The following DSCAM variants were observed in gnomAD, a reference collection of about 807,000 sequenced individuals.
The protein encoded by DSCAM is DS cell adhesion molecule.
In DSCAM, 47 loss-of-function variants were observed where a neutral mutation model predicts 217.7. That is an observed-to-expected ratio of 0.22 (90% CI 0.17 to 0.28). The LOEUF is 0.28. Ranked by LOEUF, DSCAM falls within the 10% of genes least tolerant of loss-of-function variation. The pLI is 1.00. For missense variants in DSCAM, 2,080 were observed against 2,618.3 expected (o/e 0.79, Z 4.49); for synonymous variants, 1,056 against 1,015.3 (o/e 1.04, Z -0.76).
intron 1 of DSCAM, among the ~76,000 whole-genome samples, chr21:40,778,693 AAG>A (rs2091511599): frequency 6.6e-6 from 1 of 152,162 alleles, no homozygotes; most frequent in Non-Finnish European, 1.5e-5. Flanking sequence ...TAGAAGTCAA[AAG>A]TAAGGTGTGA....
In DSCAM at chr21:40,339,308, A is replaced by C; in HGVS notation, c.1318T>G (p.Trp440Gly). ...VKGTPLPTITWTLDDDPILKG... is the reference protein window; with the variant it reads ...VKGTPLPTITGTLDDDPILKG... ...AGAATCGGGTCATCGTCCAGGGTCC[A>C]CGTGATCGTGGGCAAAGGTGTTCCC... The change falls in exon 7 of 33, where the codon TGG (tryptophan) becomes GGG (glycine). Residue 440 changes from tryptophan to glycine, a missense_variant. By Grantham distance (184) the Trp-to-Gly change is radical. Around this residue, in one of 5 missense-constraint regions of DSCAM, gnomAD observed 568 missense variants for 678.1 expected, o/e 0.84. Transcript: ENST00000400454. 1.2e-6 allele frequency: 2 copies of C among 1,614,188 alleles called. No homozygotes were observed. The highest frequency in any genetic ancestry group is 1.7e-6 in the Non-Finnish European group (2 of 1,180,042).
chr21:40,393,492 A>G (rs2075152214), intron 3 of DSCAM, among the ~76,000 whole-genome samples: 1 of 152,218 alleles, frequency 6.6e-6, no homozygotes, highest in African/African-American at 2.4e-5. Flanking sequence ...AATCAAGGTA[A>G]TAGGAAATCC....
At chr21:40,079,055 A>T in intron 25 of DSCAM, 78 bp from the exon 26 acceptor site, 1 of 1,515,370 alleles carries the variant, frequency 6.6e-7, no homozygotes, top group East Asian at 2.3e-5. Flanking sequence ...TTTCCCTCGG[A>T]CTGCTTCCTC....
intron 11 of DSCAM, among the ~76,000 whole-genome samples, chr21:40,254,217 T>C (rs928585345): frequency 2.0e-5 from 3 of 152,172 alleles, no homozygotes; most frequent in African/African-American, 7.2e-5. Context: ...AGCCTTTGTT[T>C]TGCATGATCT....
At chr21:40,185,375 G>C (rs2090882218) in intron 14 of DSCAM, among the ~76,000 whole-genome samples, 1 of 152,220 alleles carries the variant, frequency 6.6e-6, no homozygotes, top group African/African-American at 2.4e-5. Flanking sequence ...CGAGGGTGCA[G>C]AGCTGGTGCA....
intron 3 of DSCAM, among the ~76,000 whole-genome samples, chr21:40,512,539 G>T (rs576987737): frequency 2.0e-5 from 3 of 152,120 alleles, no homozygotes; most frequent in African/African-American, 7.2e-5. Context: ...CTTCACGTTT[G>T]CGGCATTGTT....
chr21:40,813,652 T>C (rs2051535101), intron 1 of DSCAM, among the ~76,000 whole-genome samples: 1 of 151,208 alleles, frequency 6.6e-6, no homozygotes, highest in Non-Finnish European at 1.5e-5. Flanking sequence ...CTTGTTTTTT[T>C]TTTTTTTTTG....
chr21:40,259,137 T>C (rs2073413141), intron 11 of DSCAM, among the ~76,000 whole-genome samples: 1 of 152,248 alleles, frequency 6.6e-6, no homozygotes, highest in African/African-American at 2.4e-5. Flanking sequence ...GTGATTTCAT[T>C]TTCTTAAAAG....
At position 40,376,589 on chromosome 21, in the gene DSCAM, T is replaced by TATATAGATATCTATATATCTTATATAG. The variant is rs760098848; in HGVS notation, c.509-7345_509-7344insCTATATAAGATATATAGATATCTATAT. Among the ~76,000 whole-genome samples the TATATAGATATCTATATATCTTATATAG allele has an allele frequency of 4.3e-4, 6 of 14,074 alleles. 2 individuals carry two copies. The highest frequency in any genetic ancestry group is 1.7e-3 in the African/African-American group (6 of 3,602). The allele number at this position is 14,074 out of a possible 152,430, so 9.2% of individuals were successfully genotyped here. On this transcript the variant is annotated intron_variant, in intron 3 of 32. Transcript: ENST00000400454. ...ATCTTATATCGATATCTATATATCTTATATCGATATCTATATATCTTATAT... is the reference window on the plus strand; with the variant it reads ...ATCTTATATCGATATCTATATATCTTATATAGATATCTATATATCTTATATAGATATCGATATCTATATATCTTATAT...
At chr21:40,534,888 A>G (rs2837687) in intron 3 of DSCAM, among the ~76,000 whole-genome samples, 33,891 of 152,024 alleles carry the variant, frequency 0.22, 4,434 homozygotes, top group African/African-American at 0.35. Flanking sequence ...TTCTCCCAAT[A>G]TTACCTCTGT....
chr21:40,498,712 GGTGTATATATATATGGGTGT>G (rs1568855018), intron 3 of DSCAM, among the ~76,000 whole-genome samples: 17 of 3,868 alleles, frequency 4.4e-3, no homozygotes, highest in African/African-American at 0.019. Context: ...TATATATATG[GGTGTATATATATATGGGTGT>G]GTGTATATAT....
At chr21:40,842,838 A>G (rs2123689819) in intron 1 of DSCAM, among the ~76,000 whole-genome samples, 1 of 152,288 alleles carries the variant, frequency 6.6e-6, no homozygotes, top group Middle Eastern at 3.4e-3. Context: ...CCAAAATGAC[A>G]AAGGAGAGAG....
At chr21:40,341,341 G>A (rs1273853570) in intron 6 of DSCAM, among the ~76,000 whole-genome samples, 1 of 152,044 alleles carries the variant, frequency 6.6e-6, no homozygotes, top group Non-Finnish European at 1.5e-5. Flanking sequence ...TAATTCCATG[G>A]TTTTTGTAAA....
At chr21:40,142,226 C>T (rs2090300023) in intron 18 of DSCAM, among the ~76,000 whole-genome samples, 1 of 152,196 alleles carries the variant, frequency 6.6e-6, no homozygotes, top group Non-Finnish European at 1.5e-5. Flanking sequence ...TTTTAGAATA[C>T]ATATCACACA....
intron 20 of DSCAM, among the ~76,000 whole-genome samples, chr21:40,098,924 A>C (rs918464636): frequency 4.6e-5 from 7 of 152,244 alleles, no homozygotes; most frequent in East Asian, 1.9e-4. Context: ...TTATGGGAAA[A>C]TTAGTCCCTC....
At chr21:40,401,326 T>C (rs921807984) in intron 3 of DSCAM, among the ~76,000 whole-genome samples, 4 of 152,244 alleles carry the variant, frequency 2.6e-5, no homozygotes, top group African/African-American at 7.2e-5. Context: ...AAAAGTCATA[T>C]ACTCAAGGGT....
intron 1 of DSCAM, among the ~76,000 whole-genome samples, chr21:40,801,407 G>A (rs2091739155): frequency 1.3e-5 from 2 of 152,208 alleles, no homozygotes; most frequent in South Asian, 4.1e-4. Context: ...AATCAAGGGT[G>A]TAGCTCAGAG....
chr21:40,618,814 CCTT>C (rs1257963002), intron 3 of DSCAM: 1 of 152,228 alleles, frequency 6.6e-6, no homozygotes, highest in Non-Finnish European at 1.5e-5. Context: ...CCTCATTCCT[CCTT>C]CTTATAGCAA....
chr21:40,628,885 C>G (rs1318908719), intron 3 of DSCAM, among the ~76,000 whole-genome samples: 5 of 152,152 alleles, frequency 3.3e-5, no homozygotes, highest in South Asian at 2.1e-4. Flanking sequence ...GTAGCTGCAA[C>G]TACAGGCATG....
Sources: gnomAD v4.1 joint callset for allele counts (sites outside exome capture counted in the v4.1 genomes callset) on GRCh38, gnomAD v4.1.1 for gene constraint, gnomAD v4.1.1 regional missense constraint, MANE v1.5 for transcripts, NCBI Gene and HGNC (gene_info 2026-07-23, HGNC 2026-07-21) for gene names.